TRPV1: variants seen among roughly 807,000 people sequenced by gnomAD.
The protein encoded by TRPV1 is OTRPC1.
Under a neutral mutation model 82.3 loss-of-function variants are expected in TRPV1, and 82 were observed. The ratio of observed to expected loss-of-function variants is 1.00; its 90% CI spans 0.83 to 1.20. The LOEUF (loss-of-function observed/expected upper bound fraction) is 1.20. Ranked by LOEUF, TRPV1 falls within the 50% of genes most tolerant of loss-of-function variation. TRPV1 has a pLI of 0.00. For synonymous variants in TRPV1, 515 were observed against 467.7 expected, an observed-to-expected ratio of 1.10 and a Z score of -1.30; for missense variants, 1,067 against 1,096.8, an observed-to-expected ratio of 0.97 and a Z score of 0.38.
rs570842516 is a variant in TRPV1, at chr17:3,584,782, C to T, written c.1383+986G>A. 1.8e-4 allele frequency among the ~76,000 whole-genome samples: 28 copies of T among 152,000 alleles called. 1 individual carries two copies. Among genetic ancestry groups the T allele is most frequent in the African/African-American group, 2.7e-4 (11 of 41,376 alleles). ...CTGCACTCCAGCCTGGGTGATAGAG[C>T]GAGACTCCATCTCAAAAAAACAAAA... On this transcript the variant is annotated intron_variant, in intron 9 of 16. Transcript: ENST00000572705.
At chr17:3,594,626 C>T (rs527802848) in intron 2 of TRPV1, among the ~76,000 whole-genome samples, 13 of 152,224 alleles carry the variant, frequency 8.5e-5, no homozygotes, top group Non-Finnish European at 1.8e-4. Context: ...ATCAGGTGGA[C>T]CCCCTGCAGC....
intron 2 of TRPV1, among the ~76,000 whole-genome samples, chr17:3,603,061 C>T (rs957845803): frequency 2.0e-5 from 3 of 151,902 alleles, no homozygotes; most frequent in African/African-American, 7.3e-5. Flanking sequence ...GTGGAGGTTG[C>T]ATGAGCTGAG....
chr17:3,607,505 G>GTAAGA (rs1008400686), intron 2 of TRPV1, among the ~76,000 whole-genome samples: 6 of 150,734 alleles, frequency 4.0e-5, no homozygotes, highest in Non-Finnish European at 8.8e-5. Flanking sequence ...ATTAGGCACA[G>GTAAGA]TAAGAGATTA....
chr17:3,602,901 C>T (rs367645489), intron 2 of TRPV1, among the ~76,000 whole-genome samples: 35 of 152,292 alleles, frequency 2.3e-4, no homozygotes, highest in Middle Eastern at 3.4e-3. Flanking sequence ...GCGGGTGGAT[C>T]GCCTGAGGTC....
chr17:3,602,734 T>C (rs137983630), intron 2 of TRPV1, among the ~76,000 whole-genome samples: 3 of 152,314 alleles, frequency 2.0e-5, no homozygotes, highest in East Asian at 1.9e-4. Flanking sequence ...AGGGGGCACA[T>C]TGACTTAAGC....
intron 16 of TRPV1, among the ~76,000 whole-genome samples, chr17:3,569,446 T>A (rs968824790): frequency 2.9e-4 from 44 of 151,988 alleles, no homozygotes; most frequent in African/African-American, 1.0e-3. Flanking sequence ...ATAAAATAAA[T>A]AAAAACTGCA....
At chr17:3,595,131 A>G (rs1253468991) in intron 2 of TRPV1, among the ~76,000 whole-genome samples, 5 of 152,202 alleles carry the variant, frequency 3.3e-5, no homozygotes, top group Admixed American at 2.0e-4. Context: ...AAAAGGCACC[A>G]GAAGCGAATG....
chr17:3,574,125 C>T (rs370638481), intron 13 of TRPV1, among the ~76,000 whole-genome samples, 170 bp from the exon 14 acceptor site: 8 of 152,294 alleles, frequency 5.3e-5, no homozygotes, highest in Admixed American at 1.3e-4. Context: ...TTTTTAAGAA[C>T]TTTATCATCA....
chr17:3,568,173 T>A (rs924212484), intron 16 of TRPV1, among the ~76,000 whole-genome samples: 5 of 151,690 alleles, frequency 3.3e-5, no homozygotes, highest in African/African-American at 4.8e-5. Flanking sequence ...ATACAAAAAA[T>A]TAGCCGGGCG....
At chr17:3,569,980 C>A (rs1441789659) in intron 16 of TRPV1, among the ~76,000 whole-genome samples, 1 of 135,666 alleles carries the variant, frequency 7.4e-6, no homozygotes, top group African/African-American at 3.4e-5. Flanking sequence ...GGAGGAGGGG[C>A]CAAGCGGTCA....
chr17:3,577,870 T>C (rs1351508362), intron 11 of TRPV1, 107 bp from the exon 12 acceptor site: 3 of 1,070,380 alleles, frequency 2.8e-6, no homozygotes, highest in Admixed American at 2.2e-5. Context: ...CAGGCCGCAA[T>C]AGGAGCTAGG....
At chr17:3,588,406 C>A in intron 7 of TRPV1, 39 bp from the exon 8 acceptor site, 1 of 1,544,032 alleles carries the variant, frequency 6.5e-7, no homozygotes, top group South Asian at 1.2e-5. Flanking sequence ...AGGCCAGCCC[C>A]AGGCTCAGCC....
At chr17:3,607,340 C>A (rs1385146997) in intron 2 of TRPV1, among the ~76,000 whole-genome samples, 1 of 150,860 alleles carries the variant, frequency 6.6e-6, no homozygotes, top group Non-Finnish European at 1.5e-5. Context: ...GGAGACTCTG[C>A]CTAAAAGAAA....
intron 2 of TRPV1, chr17:3,595,611 A>G (rs2075212011): frequency 1.3e-5 from 2 of 152,194 alleles, no homozygotes; most frequent in Non-Finnish European, 2.9e-5. Context: ...CTCCAAGAAT[A>G]AGCTAAGAAT....
chr17:3,583,265 G>C, intron 10 of TRPV1, 73 bp downstream of exon 10: 2 of 1,287,468 alleles, frequency 1.6e-6, no homozygotes, highest in Non-Finnish European at 2.2e-6. Flanking sequence ...AAAAGTGAGT[G>C]AGCGCTGAGG....
Position 3,577,130 on chromosome 17 carries a change from G to A in TRPV1, c.1776C>T (p.Ser592=). The A allele has an allele frequency of 2.5e-6, 4 of 1,584,590 alleles. No individual in the cohort carries two copies. The highest frequency in any genetic ancestry group is 2.6e-6 in the Non-Finnish European group (3 of 1,165,826). ...AGCGCTGACCAAGCTCATTACCTGT[G>A]GAAAACCCGAACAAGAAGACGATGT... ...FVYIVFLFGF[S]TAVVTLIEDG... The change falls in exon 13 of 17, where the codon TCC becomes TCT. Residue 592 remains serine (S), a synonymous_variant. Coordinates refer to ENST00000572705, the MANE Select transcript of TRPV1 (RefSeq NM_080704.4).
At chr17:3,571,433 C>T (rs192148125) in intron 16 of TRPV1, 91 bp downstream of exon 16, 1 of 1,047,714 alleles carries the variant, frequency 9.5e-7, no homozygotes, top group Non-Finnish European at 1.4e-6. Context: ...GATGAGGAAC[C>T]CGGCAAGGCG....
At chr17:3,581,720 A>T (rs1453541722) in intron 10 of TRPV1, among the ~76,000 whole-genome samples, 1 of 148,604 alleles carries the variant, frequency 6.7e-6, no homozygotes, top group African/African-American at 2.5e-5. Flanking sequence ...CCCCGTCTCT[A>T]CTAAAAATAC....
chr17:3,573,548 C>CCCCCCCCCCG, intron 14 of TRPV1, 85 bp downstream of exon 14: 1 of 411,100 alleles, frequency 2.4e-6, no homozygotes, highest in South Asian at 1.0e-4. Flanking sequence ...ACCACCCACC[C>CCCCCCCCCCG]ACCTGCAGCC....
Sources: allele counts gnomAD v4.1 joint callset (sites outside exome capture counted in the v4.1 genomes callset), GRCh38; gene constraint gnomAD v4.1.1; transcripts MANE v1.5; gene names NCBI Gene and HGNC (gene_info 2026-07-23, HGNC 2026-07-21).